The following GNA14 variants were observed in gnomAD, a reference collection of about 807,000 sequenced individuals.
GNA14 encodes the protein G protein subunit alpha 14.
In GNA14, 50 loss-of-function variants were observed where a neutral mutation model predicts 42.0. The observed-to-expected ratio is 1.19, with a 90% CI of 0.95 to 1.51. GNA14 has a LOEUF of 1.51. Ranked by LOEUF, GNA14 falls within the 40% of genes most tolerant of loss-of-function variation. The pLI, the probability that GNA14 is intolerant of heterozygous loss-of-function variation, is 0.00. For missense variants in GNA14, 473 were observed against 446.2 expected, an observed-to-expected ratio of 1.06 and a Z score of -0.54; for synonymous variants, 173 against 163.1, an observed-to-expected ratio of 1.06 and a Z score of -0.46.
intron 1 of GNA14, among the ~76,000 whole-genome samples, chr9:77,568,044 G>A (rs1822998235): frequency 6.6e-6 from 1 of 152,174 alleles, no homozygotes; most frequent in Non-Finnish European, 1.5e-5. Context: ...GAAAGAAAGA[G>A]GTGGGGTGGG....
intron 1 of GNA14, among the ~76,000 whole-genome samples, chr9:77,530,181 T>C (rs2131769004): frequency 6.6e-6 from 1 of 152,266 alleles, no homozygotes; most frequent in African/African-American, 2.4e-5. Context: ...AGGTGGGGCC[T>C]GGTGGGAGAT....
chr9:77,478,992 A>G (rs1217022925), intron 2 of GNA14, among the ~76,000 whole-genome samples: 4 of 152,026 alleles, frequency 2.6e-5, no homozygotes, highest in Non-Finnish European at 4.4e-5. Context: ...GTTCACTCTG[A>G]TGGTAGTTTC....
chr9:77,614,953 A>G (rs1243384017), intron 1 of GNA14, among the ~76,000 whole-genome samples: 3 of 152,238 alleles, frequency 2.0e-5, no homozygotes, highest in Non-Finnish European at 4.4e-5. Context: ...TTAAGGCAGT[A>G]GAAGCCAGCT....
intron 2 of GNA14, among the ~76,000 whole-genome samples, chr9:77,452,610 T>TG (rs376291520): frequency 1.7e-5 from 1 of 59,272 alleles, no homozygotes; most frequent in African/African-American, 1.8e-4. Context: ...TGTATGTGTA[T>TG]GTGTGTGTAT....
intron 2 of GNA14, among the ~76,000 whole-genome samples, chr9:77,521,796 T>C (rs1215336482): frequency 6.6e-6 from 1 of 152,206 alleles, no homozygotes; most frequent in Non-Finnish European, 1.5e-5. Context: ...ACTAATTTCC[T>C]AATATAATGT....
intron 2 of GNA14, among the ~76,000 whole-genome samples, chr9:77,480,975 T>G (rs1347151963): frequency 6.6e-6 from 1 of 152,180 alleles, no homozygotes; most frequent in African/African-American, 2.4e-5. Context: ...GTCTATCAAT[T>G]TTGTTGATCT....
At chr9:77,643,648 C>A (rs959328796) in intron 1 of GNA14, among the ~76,000 whole-genome samples, 1 of 152,132 alleles carries the variant, frequency 6.6e-6, no homozygotes, top group African/African-American at 2.4e-5. Flanking sequence ...TTGTTATAAC[C>A]AATCCAATAA....
intron 1 of GNA14, among the ~76,000 whole-genome samples, chr9:77,546,264 T>G (rs1294316520): frequency 1.3e-5 from 2 of 149,248 alleles, no homozygotes; most frequent in African/African-American, 4.9e-5. Flanking sequence ...GCACTCCTTA[T>G]CTAATCACCA....
intron 1 of GNA14, among the ~76,000 whole-genome samples, chr9:77,633,885 A>T (rs1824137737): frequency 6.6e-6 from 1 of 151,806 alleles, no homozygotes; most frequent in African/African-American, 2.4e-5. Flanking sequence ...GGTGAGAAAT[A>T]AATGAAATCA....
intron 1 of GNA14, among the ~76,000 whole-genome samples, chr9:77,564,785 A>G (rs537527780): frequency 6.6e-6 from 1 of 151,924 alleles, no homozygotes; most frequent in African/African-American, 2.4e-5. Flanking sequence ...GTGAGCTGAG[A>G]TTGTACCACT....
At chr9:77,460,738 C>T (rs771622401) in intron 2 of GNA14, among the ~76,000 whole-genome samples, 3 of 152,138 alleles carry the variant, frequency 2.0e-5, no homozygotes, top group African/African-American at 7.2e-5. Context: ...CCCCTGACTA[C>T]GCCTCGGCTA....
intron 1 of GNA14, among the ~76,000 whole-genome samples, chr9:77,643,736 C>T (rs977291190): frequency 1.3e-5 from 2 of 150,888 alleles, no homozygotes; most frequent in African/African-American, 5.0e-5. Context: ...GCTCAGAAAA[C>T]ACTAAGGGAA....
chr9:77,598,063 A>G (rs918023656), intron 1 of GNA14, among the ~76,000 whole-genome samples: 1 of 152,166 alleles, frequency 6.6e-6, no homozygotes, highest in African/African-American at 2.4e-5. Context: ...AAAAAGCAAA[A>G]AACTTTTTTG....
In GNA14 at chr9:77,428,946, C is replaced by G. The variant is rs377242581; in HGVS notation, c.684G>C (p.Leu228=). Residue 228 remains leucine, a synonymous_variant, in exon 5 of 7, where the codon CTG becomes CTC. Transcript: ENST00000341700. ...CAGCCAGGACCTGGTCATATTCACT[C>G]AGAGCAACCAAGAAAATAATGGAGG... ...SVTSIIFLVA[L]SEYDQVLAEC... 39 of 1,613,966 alleles carry G rather than the reference C, an allele frequency of 2.4e-5. No homozygotes were observed. The African/African-American group carries it at 4.4e-4, about 18-fold the overall frequency.
At chr9:77,434,314 T>C in intron 3 of GNA14, 54 bp downstream of exon 3, 1 of 1,532,302 alleles carries the variant, frequency 6.5e-7, no homozygotes, top group Non-Finnish European at 8.9e-7. Context: ...CTTTGAAGTG[T>C]GGCCGAGCTT....
At chr9:77,636,925 T>A (rs1011163038) in intron 1 of GNA14, among the ~76,000 whole-genome samples, 1 of 152,174 alleles carries the variant, frequency 6.6e-6, no homozygotes, top group African/African-American at 2.4e-5. Flanking sequence ...CTTACTAGAA[T>A]ATGGTTCCTC....
chr9:77,573,634 A>AC (rs1306162732), intron 1 of GNA14, among the ~76,000 whole-genome samples: 2 of 152,174 alleles, frequency 1.3e-5, no homozygotes, highest in Non-Finnish European at 2.9e-5. Flanking sequence ...GATGAGCAAT[A>AC]CACTGAGGGG....
intron 1 of GNA14, among the ~76,000 whole-genome samples, chr9:77,615,141 G>T (rs1414442401): frequency 6.6e-6 from 1 of 152,186 alleles, no homozygotes; most frequent in Non-Finnish European, 1.5e-5. Context: ...TGAAACAAAT[G>T]TAACAGCAGC....
intron 1 of GNA14, among the ~76,000 whole-genome samples, chr9:77,567,260 C>T (rs558364864): frequency 9.9e-4 from 151 of 152,202 alleles, no homozygotes; most frequent in Non-Finnish European, 2.0e-3. Flanking sequence ...TCCATGTTCA[C>T]AAAAATGCAA....
Sources: gnomAD v4.1 joint callset for allele counts (sites outside exome capture counted in the v4.1 genomes callset) on GRCh38, gnomAD v4.1.1 for gene constraint, MANE v1.5 for transcripts, NCBI Gene and HGNC (gene_info 2026-07-23, HGNC 2026-07-21) for gene names.